ZNF667: variants seen among roughly 807,000 people sequenced by gnomAD.
ZNF667 encodes zinc finger protein 667.
A neutral mutation model predicts 31.8 loss-of-function variants in ZNF667; 13 were observed. The observed-to-expected ratio is 0.41, with a 90% CI of 0.27 to 0.65. ZNF667 has a LOEUF of 0.65. ZNF667 is among the 30% of genes least tolerant of loss of function. The pLI is 0.32. For synonymous variants in ZNF667, 228 were observed against 247.1 expected (o/e 0.92, Z 0.73); for missense variants, 642 against 725.6 (o/e 0.88, Z 1.32).
At chr19:56,465,512 G>A (rs2043139778) in intron 3 of ZNF667, among the ~76,000 whole-genome samples, 1 of 152,230 alleles carries the variant, frequency 6.6e-6, no homozygotes. Context: ...TGTTCCATGT[G>A]CTAAGCAACA....
At chr19:56,466,294 G>C (rs916565012) in intron 3 of ZNF667, among the ~76,000 whole-genome samples, 24 of 152,178 alleles carry the variant, frequency 1.6e-4, no homozygotes, top group African/African-American at 5.6e-4. Flanking sequence ...CTGGAACCTG[G>C]GAGGTGGCCC....
chr19:56,452,373 T>A (rs570184280), intron 6 of ZNF667, among the ~76,000 whole-genome samples: 67 of 152,164 alleles, frequency 4.4e-4, no homozygotes, highest in African/African-American at 1.5e-3. Flanking sequence ...TAATTAAAAT[T>A]TAAAAATTCC....
intron 6 of ZNF667, among the ~76,000 whole-genome samples, chr19:56,443,411 G>C (rs1419718201): frequency 1.3e-5 from 2 of 152,084 alleles, no homozygotes; most frequent in African/African-American, 2.4e-5. Flanking sequence ...TCATCATTGT[G>C]CAAACATCTT....
At chr19:56,460,143 TAAC>T (rs1482941726) in intron 5 of ZNF667, among the ~76,000 whole-genome samples, 3 of 152,064 alleles carry the variant, frequency 2.0e-5, no homozygotes, top group South Asian at 2.1e-4. Context: ...CATATCAAAA[TAAC>T]AAGAGTGAAA....
At chr19:56,458,734 A>G (rs1046187409) in intron 5 of ZNF667, among the ~76,000 whole-genome samples, 3 of 152,100 alleles carry the variant, frequency 2.0e-5, no homozygotes, top group African/African-American at 7.2e-5. Context: ...GACCACGTGG[A>G]AGGTGGTGCA....
intron 6 of ZNF667, among the ~76,000 whole-genome samples, chr19:56,444,470 T>A (rs985328874): frequency 6.6e-6 from 1 of 151,784 alleles, no homozygotes; most frequent in African/African-American, 2.4e-5. Flanking sequence ...TCCAATCACC[T>A]CCCACAGACC....
At chr19:56,448,276 A>C (rs768543457) in intron 6 of ZNF667, among the ~76,000 whole-genome samples, 2 of 152,128 alleles carry the variant, frequency 1.3e-5, no homozygotes, top group African/African-American at 2.4e-5. Flanking sequence ...GCACCCCCAG[A>C]GGAAGCATTT....
chr19:56,440,773 A>G lies in ZNF667; in HGVS notation c.*389T>C. The G allele has an allele frequency of 1.9e-6, 1 of 527,604 alleles. No homozygotes were observed. The highest frequency in any genetic ancestry group is 2.5e-6 in the Non-Finnish European group (1 of 399,944). 32.7% of individuals were successfully genotyped at this position (527,604 alleles called of 1,614,324 possible). On this transcript the variant is annotated 3_prime_UTR_variant, in exon 7 of 7. Transcript: ENST00000504904. ...TGCCTCAGCCTCTCCAGTAGCTGAG[A>G]TTACAGGTGCGCACCACCACGCCCA... is the stretch of plus-strand genomic sequence containing the variant.
At chr19:56,465,257 T>C (rs2043133725) in intron 3 of ZNF667, among the ~76,000 whole-genome samples, 1 of 152,242 alleles carries the variant, frequency 6.6e-6, no homozygotes, top group Non-Finnish European at 1.5e-5. Context: ...ATGTTCCCTC[T>C]ACAGATGTTT....
chr19:56,469,117 G>A (rs2043229723), intron 3 of ZNF667, among the ~76,000 whole-genome samples: 1 of 152,228 alleles, frequency 6.6e-6, no homozygotes, highest in Non-Finnish European at 1.5e-5. Flanking sequence ...GGGAATTACA[G>A]GGCTAGGGTG....
intron 3 of ZNF667, chr19:56,470,202 T>G: frequency 2.8e-6 from 1 of 362,018 alleles, no homozygotes; most frequent in South Asian, 2.1e-5. Flanking sequence ...AAACTCTATT[T>G]ACCCTCACTG....
intron 3 of ZNF667, among the ~76,000 whole-genome samples, chr19:56,466,277 G>A (rs1393832983): frequency 1.3e-5 from 2 of 152,156 alleles, no homozygotes; most frequent in African/African-American, 2.4e-5. Flanking sequence ...GGAGGCCCTC[G>A]AGAATGCTGG....
intron 1 of ZNF667, among the ~76,000 whole-genome samples, chr19:56,476,165 T>C (rs1035868511): frequency 3.3e-5 from 5 of 152,260 alleles, no homozygotes; most frequent in Middle Eastern, 6.8e-3. Flanking sequence ...AGCCAGCCAG[T>C]GGTGAAACCA....
intron 5 of ZNF667, 139 bp downstream of exon 5, chr19:56,460,550 T>C (rs1327403142): frequency 2.2e-6 from 2 of 906,382 alleles, no homozygotes; most frequent in Non-Finnish European, 3.1e-6. Context: ...ATGGGTGAAT[T>C]GTATAGTATG....
chr19:56,462,060 G>A (rs1031667929), intron 4 of ZNF667, among the ~76,000 whole-genome samples: 3 of 152,238 alleles, frequency 2.0e-5, no homozygotes, highest in Non-Finnish European at 4.4e-5. Flanking sequence ...TTCTCTTGGG[G>A]AGGGCATTTC....
chr19:56,474,938 C>T (rs1012331296), intron 1 of ZNF667: 1 of 152,114 alleles, frequency 6.6e-6, no homozygotes, highest in African/African-American at 2.4e-5. Flanking sequence ...GAGATCTGAC[C>T]TCTTTCTGTT....
intron 2 of ZNF667, chr19:56,472,681 T>C (rs1030271591): frequency 2.0e-5 from 3 of 152,238 alleles, no homozygotes; most frequent in African/African-American, 7.2e-5. Flanking sequence ...TTCTTCTCTC[T>C]AGCTTATTGT....
At chr19:56,455,664 A>C (rs1483725327) in intron 6 of ZNF667, among the ~76,000 whole-genome samples, 1 of 152,192 alleles carries the variant, frequency 6.6e-6, no homozygotes. Flanking sequence ...GGGTACAAAA[A>C]TACAGTTAAG....
chr19:56,442,216 T>C lies in ZNF667; in HGVS notation c.779A>G (p.Lys260Arg), dbSNP rs3760849. ...AAGGGATGACATCTGATTGAAGGCTTTTCCGCACTTTCTGCACTGGCAGAC... is the reference window on the plus strand; with the variant it reads ...AAGGGATGACATCTGATTGAAGGCTCTTCCGCACTTTCTGCACTGGCAGAC... ...GNVCQCRKCGKAFNQMSSLLL... is the reference protein window; with the variant it reads ...GNVCQCRKCGRAFNQMSSLLL... Residue 260 changes from lysine to arginine, a missense_variant, in exon 7 of 7, where the codon AAA becomes AGA. Lys to Arg is a conservative substitution (Grantham distance 26). Coordinates refer to ENST00000504904, the MANE Select transcript of ZNF667 (RefSeq NM_001321356.2). The C allele has an allele frequency of 0.54, 870,365 of 1,613,880 alleles. 239,174 individuals are homozygous for C. Among genetic ancestry groups the C allele is most frequent in the East Asian group, 0.88 (39,652 of 44,862 alleles).
Sources: allele counts gnomAD v4.1 joint callset (sites outside exome capture counted in the v4.1 genomes callset), GRCh38; gene constraint gnomAD v4.1.1; transcripts MANE v1.5; gene names NCBI Gene and HGNC (gene_info 2026-07-23, HGNC 2026-07-21).